The following PRKG1 variants were observed in gnomAD, a reference collection of about 807,000 sequenced individuals.
The protein encoded by PRKG1 is cGMP-dependent protein kinase 1.
A neutral mutation model predicts 88.1 loss-of-function variants in PRKG1; 35 were observed. The ratio of observed to expected loss-of-function variants is 0.40; its 90% CI spans 0.30 to 0.53. PRKG1 has a LOEUF of 0.53. Among genes scored for constraint, PRKG1 ranks in the 20% least tolerant of loss-of-function variants. The probability of loss-of-function intolerance (pLI) is 0.59; values close to 1 mark genes in which losing one functional copy is unlikely to be tolerated. For missense variants in PRKG1, 540 were observed against 839.8 expected (o/e 0.64, Z 4.41); for synonymous variants, 303 against 292.5 (o/e 1.04, Z -0.37).
intron 7 of PRKG1, among the ~76,000 whole-genome samples, chr10:52,104,549 T>C (rs1847370721): frequency 6.6e-6 from 1 of 152,098 alleles, no homozygotes; most frequent in South Asian, 2.1e-4. Context: ...AAGTCATGAA[T>C]AAGGCCACCT....
chr10:51,847,623 G>C (rs571855700), intron 4 of PRKG1, among the ~76,000 whole-genome samples: 34 of 148,706 alleles, frequency 2.3e-4, no homozygotes, highest in African/African-American at 7.9e-4. Flanking sequence ...TCTGTAGATT[G>C]GCTAAATTTA....
intron 2 of PRKG1, among the ~76,000 whole-genome samples, chr10:51,282,608 A>G (rs1397764845): frequency 6.6e-6 from 1 of 152,230 alleles, no homozygotes; most frequent in African/African-American, 2.4e-5. Flanking sequence ...GACCTTTTAA[A>G]TAATACAGAA....
intron 2 of PRKG1, among the ~76,000 whole-genome samples, chr10:51,325,585 T>C (rs1588841334): frequency 6.6e-6 from 1 of 152,218 alleles, no homozygotes; most frequent in Non-Finnish European, 1.5e-5. Context: ...CGCTTTGTTG[T>C]TTCATTTGCT....
intron 3 of PRKG1, chr10:51,699,403 G>T: frequency 6.2e-7 from 1 of 1,613,918 alleles, no homozygotes; most frequent in Non-Finnish European, 8.5e-7. Context: ...TCTCTCTATC[G>T]TATACCAGCC....
At chr10:52,099,067 A>G (rs1049807843) in intron 7 of PRKG1, among the ~76,000 whole-genome samples, 2 of 152,324 alleles carry the variant, frequency 1.3e-5, no homozygotes, top group East Asian at 3.9e-4. Context: ...AAGGGATGAC[A>G]TGGTAAGAAA....
intron 2 of PRKG1, among the ~76,000 whole-genome samples, chr10:51,451,653 G>A (rs1234386251): frequency 6.6e-6 from 1 of 151,978 alleles, no homozygotes; most frequent in Non-Finnish European, 1.5e-5. Context: ...TCTCTTTGCA[G>A]TATAGTTTGA....
chr10:51,369,079 C>T (rs1332521737), intron 2 of PRKG1, among the ~76,000 whole-genome samples: 1 of 152,072 alleles, frequency 6.6e-6, no homozygotes, highest in African/African-American at 2.4e-5. Flanking sequence ...AAGCCCAAGG[C>T]TCGTGTTTCT....
chr10:52,158,395 C>G (rs1458656295), intron 8 of PRKG1, among the ~76,000 whole-genome samples: 2 of 151,572 alleles, frequency 1.3e-5, no homozygotes, highest in Non-Finnish European at 3.0e-5. Flanking sequence ...TAGTACTTTT[C>G]TGAATGTCTA....
intron 2 of PRKG1, among the ~76,000 whole-genome samples, chr10:51,178,532 G>A (rs769663121): frequency 1.3e-5 from 2 of 152,114 alleles, no homozygotes; most frequent in Non-Finnish European, 2.9e-5. Context: ...AGCTACTCTG[G>A]TGGCTGAGGT....
At chr10:51,925,448 G>A (rs893445076) in intron 5 of PRKG1, among the ~76,000 whole-genome samples, 3 of 152,038 alleles carry the variant, frequency 2.0e-5, no homozygotes, top group Admixed American at 6.6e-5. Context: ...CTGTGTTTAG[G>A]TGTCAGTATT....
intron 3 of PRKG1, among the ~76,000 whole-genome samples, chr10:51,609,188 T>A (rs554960735): frequency 1.4e-4 from 22 of 152,068 alleles, no homozygotes; most frequent in East Asian, 7.7e-4. Flanking sequence ...AAATATTTTT[T>A]AAAAAAAATT....
At chr10:51,621,003 A>ATG (rs1353240634) in intron 3 of PRKG1, among the ~76,000 whole-genome samples, 2 of 133,842 alleles carry the variant, frequency 1.5e-5, no homozygotes, top group African/African-American at 2.6e-5. Context: ...GTGTGTGTAT[A>ATG]TGTGTGTATA....
At chr10:51,598,578 A>G (rs1838517703) in intron 3 of PRKG1, among the ~76,000 whole-genome samples, 1 of 152,316 alleles carries the variant, frequency 6.6e-6, no homozygotes, top group Non-Finnish European at 1.5e-5. Context: ...TTTTAATATT[A>G]TAATAGATTA....
chr10:51,182,913 T>C (rs1837385473), intron 2 of PRKG1, among the ~76,000 whole-genome samples: 1 of 152,128 alleles, frequency 6.6e-6, no homozygotes, highest in African/African-American at 2.4e-5. Context: ...AGTCCTGGCA[T>C]GAAAGGGTTG....
At chr10:51,066,142 T>C (rs969033391) in intron 1 of PRKG1, among the ~76,000 whole-genome samples, 4 of 152,112 alleles carry the variant, frequency 2.6e-5, no homozygotes, top group Non-Finnish European at 4.4e-5. Flanking sequence ...TGCTTAATGC[T>C]TGGAGAACTT....
intron 1 of PRKG1, among the ~76,000 whole-genome samples, chr10:51,031,759 A>G (rs1355483714): frequency 6.6e-6 from 1 of 152,182 alleles, no homozygotes; most frequent in Non-Finnish European, 1.5e-5. Flanking sequence ...ATGCCTTCCC[A>G]TGCTCTTTTC....
chr10:51,382,007 G>A (rs1209471032), intron 2 of PRKG1, among the ~76,000 whole-genome samples: 1 of 152,018 alleles, frequency 6.6e-6, no homozygotes, highest in Non-Finnish European at 1.5e-5. Flanking sequence ...ATATAATCAA[G>A]CATTTATTTT....
At chr10:51,219,613 G>C (rs1185502604) in intron 2 of PRKG1, among the ~76,000 whole-genome samples, 1 of 151,844 alleles carries the variant, frequency 6.6e-6, no homozygotes, top group Non-Finnish European at 1.5e-5. Flanking sequence ...AGGAGGCTGA[G>C]ACACGAGAAT....
chr10:51,995,424 T>C (rs1844415457), intron 5 of PRKG1, among the ~76,000 whole-genome samples: 1 of 152,226 alleles, frequency 6.6e-6, no homozygotes, highest in Non-Finnish European at 1.5e-5. Flanking sequence ...ATTCATTGTC[T>C]AAAACTTTCT....
Sources: allele counts gnomAD v4.1 joint callset (sites outside exome capture counted in the v4.1 genomes callset), GRCh38; gene constraint gnomAD v4.1.1; transcripts MANE v1.5; gene names NCBI Gene and HGNC (gene_info 2026-07-23, HGNC 2026-07-21).